Variants in ANGPT1 observed in about 807,000 individuals in gnomAD.
ANGPT1 encodes angiopoietin-1.
Under a neutral mutation model 62.2 loss-of-function variants are expected in ANGPT1, and 17 were observed. The observed-to-expected ratio is 0.27, with a 90% CI of 0.19 to 0.41. The LOEUF (loss-of-function observed/expected upper bound fraction) is 0.41. ANGPT1 is among the 10% of genes least tolerant of loss of function. ANGPT1 has a pLI of 1.00. For missense variants in ANGPT1, 478 were observed against 594.9 expected (o/e 0.80, Z 2.04); for synonymous variants, 199 against 198.9 (o/e 1.00, Z 0.00).
intron 7 of ANGPT1, among the ~76,000 whole-genome samples, chr8:107,280,843 T>G (rs1813987381): frequency 6.6e-6 from 1 of 151,938 alleles, no homozygotes; most frequent in Non-Finnish European, 1.5e-5. Context: ...AAAAATCATC[T>G]CAACAACAGC....
chr8:107,266,621 A>T (rs557424136), intron 7 of ANGPT1, among the ~76,000 whole-genome samples: 1 of 152,292 alleles, frequency 6.6e-6, no homozygotes, highest in South Asian at 2.1e-4. Flanking sequence ...TGGCAATTTT[A>T]ACTCTGATTT....
intron 1 of ANGPT1, among the ~76,000 whole-genome samples, chr8:107,456,737 A>G (rs907103588): frequency 3.3e-5 from 5 of 152,102 alleles, no homozygotes; most frequent in African/African-American, 1.2e-4. Flanking sequence ...TATATGATGT[A>G]AAATGTATTA....
In ANGPT1 at chr8:107,456,635, T is replaced by C. The variant is rs1218067031; in HGVS notation, c.297+40627A>G. ...AGGTGAAACGTACAACAAAACCTGCTTTCATAAATTGTTCTTAAGGTCTGG... is the reference window on the plus strand; with the variant it reads ...AGGTGAAACGTACAACAAAACCTGCCTTCATAAATTGTTCTTAAGGTCTGG... On this transcript the variant is annotated intron_variant, in intron 1 of 8. Coordinates refer to ENST00000517746, the MANE Select transcript of ANGPT1 (RefSeq NM_001146.5). Among the ~76,000 whole-genome samples, 3 of 152,082 alleles carry C rather than the reference T, an allele frequency of 2.0e-5. No individual in the cohort carries two copies. The East Asian group carries it at 5.8e-4, about 29-fold the overall frequency.
At chr8:107,323,398 T>C (rs1462469280) in intron 3 of ANGPT1, among the ~76,000 whole-genome samples, 1 of 152,198 alleles carries the variant, frequency 6.6e-6, no homozygotes, top group Non-Finnish European at 1.5e-5. Flanking sequence ...AATACAGCAC[T>C]GAATCATTCC....
intron 7 of ANGPT1, among the ~76,000 whole-genome samples, chr8:107,278,539 C>A (rs1016441409): frequency 6.6e-6 from 1 of 152,146 alleles, no homozygotes; most frequent in African/African-American, 2.4e-5. Flanking sequence ...TACTCCATTT[C>A]CCTGAATCCC....
chr8:107,264,256 T>C lies in ANGPT1; in HGVS notation c.1301A>G (p.Asn434Ser). ...DFSTKDADND[N>S]CMCKCALMLT... ...CATGAGGGCACATTTGCACATACAG[T>C]TGTCATTATCAGCATCTTTAGTGCT... The change falls in exon 8 of 9, where the codon AAC (asparagine) becomes AGC (serine). Residue 434 changes from asparagine (N) to serine (S), a missense_variant. Transcript: ENST00000517746. 6.2e-7 allele frequency: 1 copy of C among 1,613,984 alleles called. No homozygotes were observed. The highest frequency in any genetic ancestry group is 8.5e-7 in the Non-Finnish European group (1 of 1,179,912).
intron 7 of ANGPT1, among the ~76,000 whole-genome samples, chr8:107,271,365 T>C (rs1563543492): frequency 6.6e-6 from 1 of 152,068 alleles, no homozygotes; most frequent in African/African-American, 2.4e-5. Flanking sequence ...TGCAAAAAAA[T>C]TAAAGTAATC....
intron 3 of ANGPT1, among the ~76,000 whole-genome samples, chr8:107,335,153 G>A (rs1815530620): frequency 2.6e-5 from 4 of 152,066 alleles, no homozygotes; most frequent in South Asian, 4.2e-4. Context: ...TTCCAATTTC[G>A]GCCACTAGCA....
chr8:107,261,698 C>A (rs1813495607), intron 8 of ANGPT1, among the ~76,000 whole-genome samples: 1 of 147,422 alleles, frequency 6.8e-6, no homozygotes, highest in East Asian at 2.0e-4. Flanking sequence ...GAGCAAGACT[C>A]CATCTAAAAA....
chr8:107,470,947 G>A (rs1175718711), intron 1 of ANGPT1, among the ~76,000 whole-genome samples: 6 of 152,130 alleles, frequency 3.9e-5, no homozygotes, highest in Admixed American at 3.9e-4. Context: ...CACTGTTGGT[G>A]GGAGTGTAAA....
At chr8:107,479,928 T>C in intron 1 of ANGPT1, among the ~76,000 whole-genome samples, 1 of 152,182 alleles carries the variant, frequency 6.6e-6, no homozygotes, top group Non-Finnish European at 1.5e-5. Flanking sequence ...GTTATATTTA[T>C]TAAATCTTAC....
intron 1 of ANGPT1, among the ~76,000 whole-genome samples, chr8:107,496,396 G>A (rs10216781): frequency 0.025 from 3,772 of 152,266 alleles, 134 homozygotes; most frequent in African/African-American, 0.083. Context: ...TAAACTATTC[G>A]ATTTGATTTC....
At chr8:107,263,119 CA>C (rs138688687) in intron 8 of ANGPT1, among the ~76,000 whole-genome samples, 36,096 of 151,748 alleles carry the variant, frequency 0.24, 4,576 homozygotes, top group East Asian at 0.31. Flanking sequence ...TTTGGGAGAG[CA>C]AGGTGGGCGG....
intron 1 of ANGPT1, among the ~76,000 whole-genome samples, chr8:107,431,342 C>T (rs1811182439): frequency 1.3e-5 from 2 of 151,550 alleles, no homozygotes; most frequent in South Asian, 4.2e-4. Context: ...ACAAATGACA[C>T]ACACCTAGGT....
At chr8:107,400,859 A>C (rs1817033850) in intron 1 of ANGPT1, among the ~76,000 whole-genome samples, 1 of 131,950 alleles carries the variant, frequency 7.6e-6, no homozygotes, top group Non-Finnish European at 1.6e-5. Flanking sequence ...CGTGCCCAGC[A>C]GATATTTCTT....
intron 1 of ANGPT1, among the ~76,000 whole-genome samples, chr8:107,481,532 CAA>C (rs71562147): frequency 1.8e-3 from 115 of 64,308 alleles, no homozygotes; most frequent in Middle Eastern, 0.016. Context: ...GACTCTGTCT[CAA>C]AAAAAAAAAA....
At chr8:107,336,591 G>A (rs1256714934) in intron 2 of ANGPT1, 1 of 174,442 alleles carries the variant, frequency 5.7e-6, no homozygotes, top group Non-Finnish European at 1.2e-5. Flanking sequence ...CGTGAACCCG[G>A]GAGGCGGAGC....
intron 1 of ANGPT1, among the ~76,000 whole-genome samples, chr8:107,444,119 T>C (rs564549308): frequency 6.6e-6 from 1 of 152,326 alleles, no homozygotes; most frequent in African/African-American, 2.4e-5. Context: ...ATGGGTTATA[T>C]GTGGATGTAT....
At chr8:107,394,829 A>G (rs1182949582) in intron 1 of ANGPT1, among the ~76,000 whole-genome samples, 1 of 152,158 alleles carries the variant, frequency 6.6e-6, no homozygotes, top group African/African-American at 2.4e-5. Flanking sequence ...TGGACTGGAT[A>G]ACAGCATATT....
Sources: gnomAD v4.1 joint callset for allele counts (sites outside exome capture counted in the v4.1 genomes callset) on GRCh38, gnomAD v4.1.1 for gene constraint, MANE v1.5 for transcripts, NCBI Gene and HGNC (gene_info 2026-07-23, HGNC 2026-07-21) for gene names.